The following USP36 variants were observed in gnomAD, a reference collection of about 807,000 sequenced individuals.
USP36 encodes the protein ubiquitin carboxyl-terminal hydrolase 36.
USP36 carries 59 observed loss-of-function variants against 111.5 expected under a neutral mutation model. That is an observed-to-expected ratio of 0.53 (90% CI 0.43 to 0.66). The LOEUF (loss-of-function observed/expected upper bound fraction) is 0.66. Among genes scored for constraint, USP36 ranks in the 30% least tolerant of loss-of-function variants. The pLI, the probability that USP36 is intolerant of heterozygous loss-of-function variation, is 0.00. For missense variants in USP36, 1,488 were observed against 1,468.0 expected (o/e 1.01, Z -0.22); for synonymous variants, 628 against 581.0 (o/e 1.08, Z -1.16).
intron 18 of USP36, 49 bp downstream of exon 18, chr17:78,799,617 CA>C: frequency 6.3e-7 from 1 of 1,583,704 alleles, no homozygotes; most frequent in Non-Finnish European, 8.7e-7. Flanking sequence ...TTCCCTCCTA[CA>C]AAACCAACCA....
chr17:78,792,302 TTAATGGAGCAAGGTCCCCAGGG>T (rs1448804567), downstream of USP36, among the ~76,000 whole-genome samples: 5 of 151,900 alleles, frequency 3.3e-5, no homozygotes, highest in Non-Finnish European at 5.9e-5. Flanking sequence ...GACAGGGTAA[TTAATGGAGCAAGGTCCCCAGGG>T]TGGAAGAAGT....
At chr17:78,795,384 C>T (rs190096259), downstream of USP36, among the ~76,000 whole-genome samples, 27 of 152,338 alleles carry the variant, frequency 1.8e-4, no homozygotes, top group Admixed American at 1.4e-3. This position sits in a 1 kb window ranked among gnomAD's most constrained non-coding sequence, Gnocchi z 4.5. Context: ...TGCGGGGAGC[C>T]ACACACATCA....
At chr17:78,788,415 G>A (rs1043498438) in intron 3 of USP36, among the ~76,000 whole-genome samples, 6 of 152,100 alleles carry the variant, frequency 3.9e-5, no homozygotes, top group Admixed American at 2.6e-4. Flanking sequence ...TGCCTGCCTC[G>A]GCCTCCCAAA....
intron 8 of USP36, 123 bp from the exon 9 acceptor site, chr17:78,820,135 A>C: frequency 2.0e-6 from 2 of 992,328 alleles, no homozygotes; most frequent in Non-Finnish European, 3.0e-6. Flanking sequence ...ACTCGCATAA[A>C]AATTTGCCCA....
chr17:78,798,947 G>C lies in USP36; in HGVS notation c.3201C>G (p.Thr1067=), dbSNP rs200528045. 9 of 1,614,090 alleles carry C rather than the reference G, an allele frequency of 5.6e-6. No individual in the cohort carries two copies. The East Asian group carries it at 6.7e-5, about 12-fold the overall frequency. The change falls in exon 19 of 21, where the codon ACC becomes ACG. Residue 1067 remains threonine (T), a synonymous_variant. Coordinates refer to ENST00000449938, the MANE Select transcript of USP36 (RefSeq NM_001385174.1). This position sits in a 1 kb window ranked among gnomAD's most constrained non-coding sequence, Gnocchi z 5.1. ...ACTCTTCGTCCCAGTCATCAACCAC[G>C]GTCTCAGTCCGGGCCTGTCTGCTGT... ...IEDSRQARTE[T]VVDDWDEEFD...
At chr17:78,819,453 C>T (rs897436646) in intron 9 of USP36, among the ~76,000 whole-genome samples, 29 of 152,304 alleles carry the variant, frequency 1.9e-4, no homozygotes, top group Non-Finnish European at 3.2e-4. Flanking sequence ...TCTGCAGAAA[C>T]GGAAAAATGT....
chr17:78,828,605 G>C (rs1289075598), intron 5 of USP36, among the ~76,000 whole-genome samples: 1 of 152,160 alleles, frequency 6.6e-6, no homozygotes, highest in African/African-American at 2.4e-5. Flanking sequence ...CACATGCAGG[G>C]CTGTTAGCAC....
chr17:78,807,698 T>C, intron 13 of USP36, 62 bp from the exon 14 acceptor site: 1 of 1,460,294 alleles, frequency 6.8e-7, no homozygotes, highest in Non-Finnish European at 9.1e-7. Flanking sequence ...GGGCCACATC[T>C]TCTTAAGGCC....
intron 7 of USP36, 124 bp from the exon 8 acceptor site, chr17:78,821,185 T>A: frequency 1.1e-6 from 1 of 871,066 alleles, no homozygotes; most frequent in Non-Finnish European, 1.7e-6. Flanking sequence ...AGATTCCCAC[T>A]AGCCCCTGAA....
chr17:78,802,618 G>A lies in USP36; in HGVS notation c.2811-83C>T, dbSNP rs57490171. On this transcript the variant is annotated intron_variant, in intron 16 of 20. Coordinates refer to ENST00000449938, the MANE Select transcript of USP36 (RefSeq NM_001385174.1). Reference sequence around the variant, plus strand: ...CGCACAGACACCCGCCTGCAACATGGAGAAGGTGCCACCCCAGCTGTGACC... The same window carrying A: ...CGCACAGACACCCGCCTGCAACATGAAGAAGGTGCCACCCCAGCTGTGACC... 6,858 of 1,368,530 alleles carry A rather than the reference G, an allele frequency of 5.0e-3. 318 individuals are homozygous for A. In the East Asian group the frequency reaches 0.12, roughly 23 times the overall value. 84.8% of individuals were successfully genotyped at this position (1,368,530 alleles called of 1,614,324 possible). A position where few individuals can be genotyped will look rare whatever the true frequency, so the allele number is the denominator to read the frequency against.
intron 11 of USP36, 88 bp downstream of exon 11, chr17:78,814,324 A>C: frequency 3.3e-6 from 5 of 1,526,906 alleles, no homozygotes; most frequent in Non-Finnish European, 4.4e-6. Context: ...CTTTTCACAA[A>C]GTAAGTGCTC....
chr17:78,800,382 G>A (rs909483998), intron 17 of USP36, among the ~76,000 whole-genome samples: 8 of 152,202 alleles, frequency 5.3e-5, no homozygotes, highest in African/African-American at 1.9e-4. Flanking sequence ...CAGCAACACC[G>A]CACAGGTCCA....
intron 6 of USP36, among the ~76,000 whole-genome samples, chr17:78,823,584 C>T (rs2094382661): frequency 6.6e-6 from 1 of 152,072 alleles, no homozygotes; most frequent in African/African-American, 2.4e-5. Context: ...CCGAGAGCCA[C>T]CCGGAATCAC....
At chr17:78,792,818 A>C (rs905835841), downstream of USP36, among the ~76,000 whole-genome samples, 1 of 152,052 alleles carries the variant, frequency 6.6e-6, no homozygotes, top group African/African-American at 2.4e-5. Flanking sequence ...TCCCAGGTTC[A>C]AGCAGTTCTC....
chr17:78,820,117 G>A (rs7222131), intron 8 of USP36, 105 bp from the exon 9 acceptor site: 231,336 of 1,196,066 alleles, frequency 0.19, 24,126 homozygotes, highest in African/African-American at 0.33. Context: ...GCAAATCACA[G>A]AACTTAGACT....
At position 78,807,232 on chromosome 17, in the gene USP36, G is replaced by GC. The variant is rs1250556908; in HGVS notation, c.1811dup (p.Leu605ProfsTer57). 3.1e-6 allele frequency: 5 copies of GC among 1,614,074 alleles called. No homozygotes were observed. Among genetic ancestry groups the GC allele is most frequent in the Non-Finnish European group, 4.2e-6 (5 of 1,179,988 alleles). On this transcript the variant is annotated frameshift_variant, in exon 14 of 21. Transcript: ENST00000449938. LOFTEE classifies it high-confidence loss of function. ...AGCTGCTGGAGCCCCTCCTGTCGAG[G>GC]CCAGCGCTCTCGTCGTTCCCCTTCA...
chr17:78,799,469 C>T (rs2093687151), intron 18 of USP36, among the ~76,000 whole-genome samples, 198 bp downstream of exon 18: 3 of 152,180 alleles, frequency 2.0e-5, no homozygotes, highest in South Asian at 4.1e-4. Context: ...GATCCTGCCA[C>T]GGACAGAAGC....
intron 6 of USP36, among the ~76,000 whole-genome samples, chr17:78,824,188 G>C (rs147469549): frequency 2.3e-3 from 357 of 152,326 alleles, no homozygotes; most frequent in African/African-American, 8.3e-3. Flanking sequence ...GGTGGGCAAT[G>C]AGCAATGGGA....
intron 17 of USP36, among the ~76,000 whole-genome samples, chr17:78,800,262 A>G (rs1328692516): frequency 6.6e-6 from 1 of 152,144 alleles, no homozygotes; most frequent in African/African-American, 2.4e-5. Context: ...ATGCCCCAGG[A>G]CCAGCCTGAC....
Sources: gnomAD v4.1 joint callset for allele counts (sites outside exome capture counted in the v4.1 genomes callset) on GRCh38, gnomAD v4.1.1 for gene constraint, Gnocchi (gnomAD v3.1) non-coding constraint, MANE v1.5 for transcripts, NCBI Gene and HGNC (gene_info 2026-07-23, HGNC 2026-07-21) for gene names.